AFDN: variants seen among roughly 807,000 people sequenced by gnomAD.
AFDN encodes afadin, adherens junction formation factor.
In AFDN, 68 loss-of-function variants were observed where a neutral mutation model predicts 216.6. The observed-to-expected ratio is 0.31, with a 90% CI of 0.26 to 0.38. AFDN has a LOEUF of 0.38. Ranked by LOEUF, AFDN falls within the 10% of genes least tolerant of loss-of-function variation. The probability of loss-of-function intolerance (pLI) is 1.00; values close to 1 mark genes in which losing one functional copy is unlikely to be tolerated. For synonymous variants in AFDN, 868 were observed against 853.7 expected (o/e 1.02, Z -0.29); for missense variants, 2,136 against 2,342.0 (o/e 0.91, Z 1.82).
intron 23 of AFDN, among the ~76,000 whole-genome samples, chr6:167,935,373 G>C (rs554906580): frequency 6.6e-6 from 1 of 152,322 alleles, no homozygotes; most frequent in Admixed American, 6.5e-5. Flanking sequence ...GCATTGAAGG[G>C]CACAAAGGCT....
At chr6:167,926,142 A>T (rs1792499685) in intron 23 of AFDN, among the ~76,000 whole-genome samples, 1 of 152,220 alleles carries the variant, frequency 6.6e-6, no homozygotes, top group Admixed American at 6.5e-5. Context: ...AAATAAATGG[A>T]CTGTCATTTG....
rs1190700632 is a variant in AFDN, at chr6:167,951,880, A to C, written c.4526A>C (p.Lys1509Thr). 2 of 1,613,984 alleles carry C rather than the reference A, an allele frequency of 1.2e-6. No individual in the cohort carries two copies. The highest frequency in any genetic ancestry group is 1.7e-5 in the Admixed American group (1 of 59,968). ...GACTTGCAGTACATTACAGTCAGCAAAGAGGAGCTTTCCTCGGGGGACAGT... is the reference window on the plus strand; with the variant it reads ...GACTTGCAGTACATTACAGTCAGCACAGAGGAGCTTTCCTCGGGGGACAGT... ...RRDLQYITVSKEELSSGDSLS... is the reference protein window; with the variant it reads ...RRDLQYITVSTEELSSGDSLS... Residue 1509 changes from lysine to threonine, a missense_variant, in exon 30 of 34, where the codon AAA (lysine) becomes ACA (threonine). Around this residue, in one of 8 missense-constraint regions of AFDN, gnomAD observed 981 missense variants for 966.0 expected, o/e 1.02. Transcript: ENST00000683244. The surrounding 1 kb of genome is among the most constrained non-coding windows in gnomAD (Gnocchi z 7.1).
intron 21 of AFDN, among the ~76,000 whole-genome samples, chr6:167,919,773 C>T (rs879476915): frequency 6.6e-6 from 1 of 152,128 alleles, no homozygotes; most frequent in Non-Finnish European, 1.5e-5. Flanking sequence ...AATTTTAATC[C>T]CAGTCTGCCA....
Position 167,946,560 on chromosome 6 carries a change from A to G in AFDN, c.3359-147A>G, listed in dbSNP as rs1339354780. On this transcript the variant is annotated intron_variant, in intron 26 of 33. Coordinates refer to ENST00000683244, the MANE Select transcript of AFDN (RefSeq NM_001386888.1). Reference sequence around the variant, plus strand: ...TATTTTCTTTATTCTCAGTATATTTACTTAAAAGCTGTTTTATGATTCTGT... The same window carrying G: ...TATTTTCTTTATTCTCAGTATATTTGCTTAAAAGCTGTTTTATGATTCTGT... The G allele has an allele frequency of 2.3e-5, 14 of 612,800 alleles. No homozygotes were observed. The East Asian group carries it at 2.5e-4, about 11-fold the overall frequency. 38.0% of individuals were successfully genotyped at this position (612,800 alleles called of 1,614,324 possible).
intron 19 of AFDN, among the ~76,000 whole-genome samples, chr6:167,916,260 A>G (rs1266324861): frequency 1.3e-5 from 2 of 152,234 alleles, no homozygotes; most frequent in Non-Finnish European, 2.9e-5. Context: ...CTATAAGGAC[A>G]GCCGACATTG....
rs1791088177 is a variant in AFDN, at chr6:167,916,532, C to G, written c.2566-557C>G. Among the ~76,000 whole-genome samples, 4 of 152,044 alleles carry G rather than the reference C, an allele frequency of 2.6e-5. No homozygotes were observed. The South Asian group carries it at 8.3e-4, about 31-fold the overall frequency. On this transcript the variant is annotated intron_variant, in intron 19 of 33. Transcript: ENST00000683244. ...TAATTAACCCTCAAGAATACAAAGC[C>G]AAATAATATCCCAGTGGCTTAACCA... is the stretch of plus-strand genomic sequence containing the variant.
At chr6:167,841,889 A>G (rs1297604800) in intron 1 of AFDN, among the ~76,000 whole-genome samples, 1 of 150,612 alleles carries the variant, frequency 6.6e-6, no homozygotes, top group Non-Finnish European at 1.5e-5. Context: ...CTGCCCTTTC[A>G]TTCCTTCTGT....
At chr6:167,864,336 G>A (rs760839832) in intron 1 of AFDN, 13 of 741,466 alleles carry the variant, frequency 1.8e-5, no homozygotes, top group African/African-American at 1.2e-4. Context: ...TATTTCATAC[G>A]TGACACAGGT....
At chr6:167,935,467 G>A (rs563363046) in intron 23 of AFDN, among the ~76,000 whole-genome samples, 1 of 152,226 alleles carries the variant, frequency 6.6e-6, no homozygotes, top group South Asian at 2.1e-4. Flanking sequence ...TTTACCTCTG[G>A]TATTTAAGTG....
At chr6:167,966,757 C>T (rs1157037753) in intron 32 of AFDN, among the ~76,000 whole-genome samples, 1 of 152,218 alleles carries the variant, frequency 6.6e-6, no homozygotes, top group Non-Finnish European at 1.5e-5. Context: ...CACGCGCTCT[C>T]ATGGTGGTTT....
intron 10 of AFDN, among the ~76,000 whole-genome samples, chr6:167,897,477 A>T (rs955477947): frequency 6.6e-6 from 1 of 152,184 alleles, no homozygotes; most frequent in African/African-American, 2.4e-5. Context: ...CTTAGTTCTC[A>T]ATTTGTAAGA....
At position 167,970,571 on chromosome 6, in the gene AFDN, C is replaced by A. The variant is rs1797959264; in HGVS notation, c.*636C>A. 4.7e-6 allele frequency: 1 copy of A among 213,402 alleles called. No homozygotes were observed. Among genetic ancestry groups the A allele is most frequent in the African/African-American group, 2.3e-5 (1 of 44,190 alleles). The allele number at this position is 213,402 out of a possible 1,614,324, so 13.2% of individuals were successfully genotyped here. A position where few individuals can be genotyped will look rare whatever the true frequency, so the allele number is the denominator to read the frequency against. On this transcript the variant is annotated 3_prime_UTR_variant, in exon 34 of 34. Transcript: ENST00000683244. ...CGAGACTGTTCCATCTCATTCCTCGCAAATTTGAGCTCTTCTGATCAATTC... is the reference window on the plus strand; with the variant it reads ...CGAGACTGTTCCATCTCATTCCTCGAAAATTTGAGCTCTTCTGATCAATTC...
At chr6:167,892,514 T>G (rs1021568617) in intron 8 of AFDN, among the ~76,000 whole-genome samples, 1 of 152,222 alleles carries the variant, frequency 6.6e-6, no homozygotes, top group African/African-American at 2.4e-5. Flanking sequence ...TTTGAGGATC[T>G]AAGAGTGTTG....
At chr6:167,874,671 A>C (rs934236914) in intron 4 of AFDN, among the ~76,000 whole-genome samples, 2 of 140,774 alleles carry the variant, frequency 1.4e-5, no homozygotes, top group Non-Finnish European at 3.0e-5. Context: ...GCTGGAATGC[A>C]GTGGCACAAT....
intron 23 of AFDN, among the ~76,000 whole-genome samples, chr6:167,933,115 A>G (rs1324306671): frequency 6.6e-6 from 1 of 152,162 alleles, no homozygotes; most frequent in East Asian, 1.9e-4. Flanking sequence ...TGTAACCTGT[A>G]TTTGGCCCCA....
At position 167,971,867 on chromosome 6, in the gene AFDN, AT is replaced by A. The variant is rs903275096; in HGVS notation, c.*1935del. 3 of 202,112 alleles carry A rather than the reference AT, an allele frequency of 1.5e-5. No individual in the cohort carries two copies. The highest frequency in any genetic ancestry group is 2.3e-5 in the African/African-American group (1 of 43,458). The allele number at this position is 202,112 out of a possible 1,614,324, so 12.5% of individuals were successfully genotyped here. On this transcript the variant is annotated 3_prime_UTR_variant, in exon 34 of 34. Transcript: ENST00000683244. ...TGCTGTAGTTTTCCATTTCTACTGT[AT>A]TTCAGTTGCAACCTATTTTTAATAA...
intron 26 of AFDN, among the ~76,000 whole-genome samples, chr6:167,946,244 G>A (rs531597341): frequency 1.3e-5 from 2 of 152,354 alleles, no homozygotes; most frequent in South Asian, 4.1e-4. Flanking sequence ...GCTGTGAATA[G>A]TAGATGATAA....
chr6:167,911,520 C>G (rs746332689), intron 15 of AFDN, 31 bp downstream of exon 15: 28 of 1,600,062 alleles, frequency 1.7e-5, no homozygotes, highest in Non-Finnish European at 4.3e-6. Context: ...CATGCTCCTC[C>G]AGTGATTGTG....
chr6:167,940,276 G>A (rs1794533390), intron 23 of AFDN, among the ~76,000 whole-genome samples: 1 of 146,350 alleles, frequency 6.8e-6, no homozygotes, highest in Non-Finnish European at 1.5e-5. Flanking sequence ...GAGGGATGTA[G>A]GGGTGAGGGT....
Sources: allele counts gnomAD v4.1 joint callset (sites outside exome capture counted in the v4.1 genomes callset), GRCh38; gene constraint gnomAD v4.1.1; regional missense constraint gnomAD v4.1.1; non-coding constraint Gnocchi (gnomAD v3.1); transcripts MANE v1.5; gene names NCBI Gene and HGNC (gene_info 2026-07-23, HGNC 2026-07-21).